PCLO: variants seen among roughly 807,000 people sequenced by gnomAD.
The protein encoded by PCLO is piccolo presynaptic cytomatrix protein, also known as protein piccolo.
A neutral mutation model predicts 427.5 loss-of-function variants in PCLO; 82 were observed. The ratio of observed to expected loss-of-function variants is 0.19; its 90% CI spans 0.16 to 0.23. The LOEUF (loss-of-function observed/expected upper bound fraction) is 0.23, where lower values mean the gene tolerates loss of function less well. Among genes scored for constraint, PCLO ranks in the 10% least tolerant of loss-of-function variants. The pLI is 1.00. For synonymous variants in PCLO, 2,357 were observed against 2,155.4 expected (o/e 1.09, Z -2.59); for missense variants, 6,239 against 6,115.9 (o/e 1.02, Z -0.67).
At chr7:82,868,752 T>C (rs1243599251) in intron 10 of PCLO, among the ~76,000 whole-genome samples, 2 of 152,216 alleles carry the variant, frequency 1.3e-5, no homozygotes, top group African/African-American at 2.4e-5. Context: ...TTACCACTGA[T>C]TCATTAAGAA....
chr7:83,146,267 A>G (rs1412176182), intron 2 of PCLO, among the ~76,000 whole-genome samples: 1 of 152,184 alleles, frequency 6.6e-6, no homozygotes, highest in Non-Finnish European at 1.5e-5. Flanking sequence ...CTAAGAGTGG[A>G]CATATGTGAG....
intron 10 of PCLO, among the ~76,000 whole-genome samples, chr7:82,855,250 T>G (rs1792772188): frequency 6.6e-6 from 1 of 152,144 alleles, no homozygotes; most frequent in Non-Finnish European, 1.5e-5. Context: ...GCAAGATACT[T>G]ATAAGTACTG....
intron 3 of PCLO, among the ~76,000 whole-genome samples, chr7:83,007,892 G>A (rs955074509): frequency 6.6e-6 from 1 of 151,622 alleles, no homozygotes; most frequent in Admixed American, 6.6e-5. Flanking sequence ...CTGAGACATG[G>A]ACATGCTCAG....
chr7:82,929,116 G>T (rs879256537), intron 6 of PCLO, among the ~76,000 whole-genome samples: 3 of 151,926 alleles, frequency 2.0e-5, no homozygotes, highest in Non-Finnish European at 2.9e-5. Context: ...AGTAATTGAG[G>T]ACATATAAGA....
chr7:82,992,465 A>G (rs1035042550), intron 3 of PCLO, among the ~76,000 whole-genome samples: 2 of 152,272 alleles, frequency 1.3e-5, no homozygotes, highest in Admixed American at 6.6e-5. Flanking sequence ...CCTGGATTTT[A>G]AAGTTGTCAT....
intron 22 of PCLO, among the ~76,000 whole-genome samples, chr7:82,787,712 G>A (rs904271979): frequency 6.6e-6 from 1 of 151,852 alleles, no homozygotes; most frequent in African/African-American, 2.4e-5. Context: ...ATAAACCAAT[G>A]AGCAACAGCT....
intron 3 of PCLO, among the ~76,000 whole-genome samples, chr7:83,125,271 G>A (rs1791406570): frequency 6.6e-6 from 1 of 151,756 alleles, no homozygotes; most frequent in African/African-American, 2.4e-5. Context: ...TGAGAAGTGG[G>A]GAGCCCCTCC....
chr7:83,051,703 T>C (rs1023251517), intron 3 of PCLO, among the ~76,000 whole-genome samples: 2 of 152,122 alleles, frequency 1.3e-5, no homozygotes, highest in Non-Finnish European at 2.9e-5. Flanking sequence ...ACCAAACTAA[T>C]TCTAAAGTTT....
intron 3 of PCLO, among the ~76,000 whole-genome samples, chr7:83,029,330 C>T (rs1788595994): frequency 6.6e-6 from 1 of 151,346 alleles, no homozygotes; most frequent in South Asian, 2.1e-4. Context: ...CAAAAGAAGA[C>T]ATTTATGCAG....
At chr7:82,862,172 G>T (rs1792973885) in intron 10 of PCLO, among the ~76,000 whole-genome samples, 2 of 151,956 alleles carry the variant, frequency 1.3e-5, no homozygotes, top group South Asian at 2.1e-4. Flanking sequence ...CCAAAAATTG[G>T]TTTTTTGAAA....
At chr7:83,127,202 A>C (rs760643587) in intron 3 of PCLO, among the ~76,000 whole-genome samples, 1 of 152,060 alleles carries the variant, frequency 6.6e-6, no homozygotes, top group Admixed American at 6.5e-5. Flanking sequence ...ATACCTTATA[A>C]ATACAATGAG....
intron 3 of PCLO, among the ~76,000 whole-genome samples, chr7:83,099,446 T>C (rs1340418400): frequency 6.6e-6 from 1 of 151,072 alleles, no homozygotes; most frequent in African/African-American, 2.4e-5. Flanking sequence ...TGGAGTGCAG[T>C]GGCATGATCT....
chr7:82,813,737 AATG>A (rs747598408), intron 20 of PCLO, among the ~76,000 whole-genome samples: 1 of 151,864 alleles, frequency 6.6e-6, no homozygotes, highest in Non-Finnish European at 1.5e-5. Context: ...TGTATGTAAA[AATG>A]ATGACCTAAT....
chr7:82,864,557 T>C (rs993374734), intron 10 of PCLO, among the ~76,000 whole-genome samples: 1 of 152,226 alleles, frequency 6.6e-6, no homozygotes, highest in Non-Finnish European at 1.5e-5. Context: ...TAGATCATTA[T>C]TTTAAAAACA....
chr7:82,913,929 C>T (rs1318924001), intron 7 of PCLO, among the ~76,000 whole-genome samples: 1 of 151,986 alleles, frequency 6.6e-6, no homozygotes, highest in African/African-American at 2.4e-5. Flanking sequence ...AAGGTTTGAA[C>T]TCTAAATAAC....
At chr7:83,093,784 C>T (rs1373192499) in intron 3 of PCLO, among the ~76,000 whole-genome samples, 69 of 139,966 alleles carry the variant, frequency 4.9e-4, no homozygotes, top group African/African-American at 1.7e-3. Flanking sequence ...TAAGCCACCA[C>T]GCCCGACCAC....
At chr7:82,782,385 A>G (rs1790891861) in intron 22 of PCLO, among the ~76,000 whole-genome samples, 1 of 152,206 alleles carries the variant, frequency 6.6e-6, no homozygotes, top group Admixed American at 6.5e-5. Flanking sequence ...TCTTCTATAC[A>G]TAAATGCTCA....
chr7:82,832,800 T>TACACACAC (rs10645073), intron 16 of PCLO, among the ~76,000 whole-genome samples: 3,969 of 140,648 alleles, frequency 0.028, 57 homozygotes, highest in East Asian at 0.051. Flanking sequence ...CTAAACTTAC[T>TACACACAC]ACACACACAC....
At chr7:82,908,592 T>C (rs1010566374) in intron 8 of PCLO, among the ~76,000 whole-genome samples, 1 of 152,088 alleles carries the variant, frequency 6.6e-6, no homozygotes, top group Non-Finnish European at 1.5e-5. Context: ...CAGAGCTCCA[T>C]CTATTCTTCT....
Sources: allele counts gnomAD v4.1 joint callset (sites outside exome capture counted in the v4.1 genomes callset), GRCh38; gene constraint gnomAD v4.1.1; transcripts MANE v1.5; gene names NCBI Gene and HGNC (gene_info 2026-07-23, HGNC 2026-07-21).